Variants in COL12A1 observed in about 807,000 individuals in gnomAD.
COL12A1 encodes collagen type XII alpha 1 chain, also known as collagen alpha-1(XII) chain.
In COL12A1, 114 loss-of-function variants were observed where a neutral mutation model predicts 349.7. The ratio of observed to expected loss-of-function variants is 0.33; its 90% confidence interval spans 0.28 to 0.38. The LOEUF (loss-of-function observed/expected upper bound fraction) is 0.38, where lower values mean the gene tolerates loss of function less well. COL12A1 is among the 10% of genes least tolerant of loss of function. The pLI, the probability that COL12A1 is intolerant of heterozygous loss-of-function variation, is 1.00. For synonymous variants in COL12A1, 1,369 were observed against 1,329.0 expected (o/e 1.03, Z -0.66); for missense variants, 3,284 against 3,756.9 (o/e 0.87, Z 3.29).
intron 2 of COL12A1, among the ~76,000 whole-genome samples, chr6:75,196,486 T>C (rs1770232333): frequency 6.6e-6 from 1 of 152,216 alleles, no homozygotes; most frequent in African/African-American, 2.4e-5. Context: ...GGCTTTTTAT[T>C]TTTATTGGAT....
intron 13 of COL12A1, among the ~76,000 whole-genome samples, chr6:75,173,950 T>C (rs1232166442): frequency 6.6e-6 from 1 of 152,190 alleles, no homozygotes; most frequent in Non-Finnish European, 1.5e-5. Flanking sequence ...TGATAGTCCA[T>C]GTAGGCCCCC....
intron 8 of COL12A1, among the ~76,000 whole-genome samples, chr6:75,187,157 A>T (rs1170094189): frequency 7.0e-6 from 1 of 143,404 alleles, no homozygotes; most frequent in South Asian, 2.2e-4. Flanking sequence ...AAAATAAATA[A>T]ATATATATAT....
At chr6:75,100,638 GT>G (rs1313174545) in intron 58 of COL12A1, among the ~76,000 whole-genome samples, 1 of 152,050 alleles carries the variant, frequency 6.6e-6, no homozygotes, top group African/African-American at 2.4e-5. Context: ...AACAAATAAA[GT>G]TCACTGGCAT....
intron 23 of COL12A1, 95 bp from the exon 24 acceptor site, chr6:75,146,339 A>T: frequency 7.8e-7 from 1 of 1,278,982 alleles, no homozygotes; most frequent in Non-Finnish European, 1.0e-6. Flanking sequence ...ATTTGTATAT[A>T]CTAGACAGTG....
At chr6:75,193,611 A>G (rs892546448) in intron 3 of COL12A1, among the ~76,000 whole-genome samples, 2 of 152,162 alleles carry the variant, frequency 1.3e-5, no homozygotes, top group Non-Finnish European at 2.9e-5. Flanking sequence ...TTTAAGTTCT[A>G]GAGTACGTGT....
chr6:75,095,579 TGCAGTCC>T (rs1178584242), intron 59 of COL12A1, among the ~76,000 whole-genome samples: 2 of 134,898 alleles, frequency 1.5e-5, no homozygotes, highest in African/African-American at 3.0e-5. Context: ...ATTGCGCCAC[TGCAGTCC>T]GCAGTCCGGC....
intron 13 of COL12A1, among the ~76,000 whole-genome samples, chr6:75,174,651 T>C (rs1168970206): frequency 6.6e-6 from 1 of 152,234 alleles, no homozygotes; most frequent in African/African-American, 2.4e-5. Context: ...ATGGCTCTTA[T>C]CTGGATCTGA....
Position 75,175,126 on chromosome 6 carries a change from C to G in COL12A1, c.2622G>C (p.Lys874Asn), listed in dbSNP as rs1478506573. ...CAGATAAGGCGTATTGTGTCCCTTC[C>G]TTCAATCCCTGCAGCACCGTATTGG... ...DTTNTVLQGL[K>N]EGTQYALSVT... Residue 874 changes from lysine to asparagine, a missense_variant, in exon 13 of 66, where the codon AAG (lysine) becomes AAC (asparagine). Lys to Asn is a moderately conservative substitution (Grantham distance 94). Transcript: ENST00000322507. 1.2e-6 allele frequency: 2 copies of G among 1,614,052 alleles called. No individual in the cohort carries two copies. Among genetic ancestry groups the G allele is most frequent in the East Asian group, 2.2e-5 (1 of 44,898 alleles).
chr6:75,196,464 A>G (rs534530021), intron 2 of COL12A1, among the ~76,000 whole-genome samples: 1 of 152,354 alleles, frequency 6.6e-6, no homozygotes, highest in African/African-American at 2.4e-5. Context: ...GCTGCGTCCA[A>G]CTGTAGGAGA....
rs377157567 is a variant in COL12A1, at chr6:75,116,137, G to A, written c.7520-80C>T. 4.1e-5 allele frequency: 52 copies of A among 1,261,816 alleles called. No individual in the cohort carries two copies. In the African/African-American group the frequency reaches 4.3e-4, roughly 11 times the overall value. 78.2% of individuals were successfully genotyped at this position (1,261,816 alleles called of 1,614,324 possible). A position where few individuals can be genotyped will look rare whatever the true frequency, so the allele number is the denominator to read the frequency against. ...ATATGCACAGAAAGTAGCAATGAAC[G>A]TATTTCAAGTAATAAATGACATTGT... On this transcript the variant is annotated intron_variant, in intron 47 of 65. Coordinates refer to ENST00000322507, the MANE Select transcript of COL12A1 (RefSeq NM_004370.6).
chr6:75,150,657 C>G (rs1457377565), intron 21 of COL12A1, among the ~76,000 whole-genome samples: 1 of 152,102 alleles, frequency 6.6e-6, no homozygotes, highest in Non-Finnish European at 1.5e-5. Flanking sequence ...AAACAAGAGT[C>G]TGGGAACAAC....
intron 44 of COL12A1, among the ~76,000 whole-genome samples, chr6:75,120,448 A>G (rs72891683): frequency 2.6e-5 from 4 of 152,326 alleles, no homozygotes; most frequent in Non-Finnish European, 4.4e-5. Flanking sequence ...AAATTCACCA[A>G]AGAAATGGGA....
intron 58 of COL12A1, among the ~76,000 whole-genome samples, chr6:75,098,583 C>T (rs1343881250): frequency 6.6e-6 from 1 of 152,048 alleles, no homozygotes; most frequent in African/African-American, 2.4e-5. Context: ...CACTTGAGCC[C>T]GAGAGGTCAG....
chr6:75,125,344 A>G, intron 39 of COL12A1, 71 bp from the exon 40 acceptor site: 3 of 1,424,902 alleles, frequency 2.1e-6, no homozygotes, highest in Non-Finnish European at 2.8e-6. Flanking sequence ...AAAATTAAAG[A>G]TCTTATAGTC....
At chr6:75,136,998 C>T (rs1766641894) in intron 31 of COL12A1, among the ~76,000 whole-genome samples, 1 of 151,772 alleles carries the variant, frequency 6.6e-6, no homozygotes, top group Non-Finnish European at 1.5e-5. Context: ...TAGAAGACAC[C>T]CTATGACATG....
chr6:75,094,195 T>C (rs1018844078), intron 60 of COL12A1, among the ~76,000 whole-genome samples: 3 of 152,116 alleles, frequency 2.0e-5, no homozygotes, highest in African/African-American at 4.8e-5. Context: ...ATTCTAAGTC[T>C]CTCTGAAATT....
chr6:75,141,290 A>G (rs2149400081), intron 27 of COL12A1, among the ~76,000 whole-genome samples: 1 of 152,346 alleles, frequency 6.6e-6, no homozygotes, highest in Non-Finnish European at 1.5e-5. Context: ...AAGTTGAGCA[A>G]AATGTCTCTT....
chr6:75,131,081 C>A (rs1386706711), intron 35 of COL12A1, 100 bp from the exon 36 acceptor site: 3 of 1,482,522 alleles, frequency 2.0e-6, no homozygotes, highest in Non-Finnish European at 2.8e-6. Flanking sequence ...AAATGTTGAG[C>A]CCAGACACAT....
chr6:75,158,753 T>C (rs1180710935), intron 14 of COL12A1, among the ~76,000 whole-genome samples: 1 of 151,986 alleles, frequency 6.6e-6, no homozygotes, highest in Admixed American at 6.6e-5. Flanking sequence ...ATACATGAGA[T>C]AATATTTACA....
Sources: gnomAD v4.1 joint callset for allele counts (sites outside exome capture counted in the v4.1 genomes callset) on GRCh38, gnomAD v4.1.1 for gene constraint, MANE v1.5 for transcripts, NCBI Gene and HGNC (gene_info 2026-07-23, HGNC 2026-07-21) for gene names.